Variants in GLIS1 observed in about 807,000 individuals in gnomAD.
GLIS1 encodes zinc finger protein GLIS1.
Under a neutral mutation model 63.8 loss-of-function variants are expected in GLIS1, and 24 were observed. The ratio of observed to expected loss-of-function variants is 0.38; its 90% CI spans 0.27 to 0.53. The LOEUF (loss-of-function observed/expected upper bound fraction) is 0.53. Ranked by LOEUF, GLIS1 falls within the 20% of genes least tolerant of loss-of-function variation. The pLI is 0.85. For missense variants in GLIS1, 1,036 were observed against 1,074.1 expected, an observed-to-expected ratio of 0.96 and a Z score of 0.50; for synonymous variants, 450 against 482.5, an observed-to-expected ratio of 0.93 and a Z score of 0.88.
Position 53,514,641 on chromosome 1 carries a change from C to T in GLIS1, c.1867G>A (p.Glu623Lys), listed in dbSNP as rs555262672. ...TGTACATACCCATCCCGGGTGCTCTCAGCCATGGGCAGAGGGGACAGATGG... is the reference window on the plus strand; with the variant it reads ...TGTACATACCCATCCCGGGTGCTCTTAGCCATGGGCAGAGGGGACAGATGG... ...HHHLSPLPMA[E>K]STRDGLGPGL... The change falls in exon 8 of 11, where the codon GAG becomes AAG. Residue 623 changes from glutamate (E) to lysine (K), a missense_variant. Transcript: ENST00000628545. The T allele has an allele frequency of 1.8e-5, 29 of 1,613,512 alleles. No homozygotes were observed. The African/African-American group carries it at 3.9e-4, about 22-fold the overall frequency.
At chr1:53,531,609 A>G (rs1569767803) in intron 4 of GLIS1, among the ~76,000 whole-genome samples, 2 of 152,330 alleles carry the variant, frequency 1.3e-5, no homozygotes, top group Admixed American at 1.3e-4. Context: ...GAGAGAACTC[A>G]GACATGGGTC....
At chr1:53,600,018 G>C (rs970327894) in intron 3 of GLIS1, 83 bp downstream of exon 3, 1 of 773,238 alleles carries the variant, frequency 1.3e-6, no homozygotes, top group African/African-American at 1.7e-5. Flanking sequence ...TGTCCCCCCA[G>C]CTAAAAAGAG....
At chr1:53,577,387 G>A (rs975013632) in intron 4 of GLIS1, among the ~76,000 whole-genome samples, 4 of 152,100 alleles carry the variant, frequency 2.6e-5, no homozygotes, top group Admixed American at 6.5e-5. Flanking sequence ...AGCAGACTCC[G>A]CACTGCCTCC....
intron 4 of GLIS1, among the ~76,000 whole-genome samples, chr1:53,550,423 C>T (rs1644746348): frequency 6.6e-6 from 1 of 152,226 alleles, no homozygotes; most frequent in Admixed American, 6.5e-5. Flanking sequence ...TTAGACATGA[C>T]AGTGCGTAGA....
chr1:53,710,778 A>T (rs1646638733), intron 2 of GLIS1, among the ~76,000 whole-genome samples: 1 of 152,200 alleles, frequency 6.6e-6, no homozygotes. Context: ...TGCCTCCCAC[A>T]GACCCCCAGC....
At chr1:53,515,077 A>ATGTG (rs1250658764) in intron 7 of GLIS1, among the ~76,000 whole-genome samples, 5 of 76,364 alleles carry the variant, frequency 6.5e-5, no homozygotes, top group African/African-American at 2.5e-4. Context: ...GTGTGTGTGT[A>ATGTG]TATGTGTGTG....
At chr1:53,664,010 T>A (rs1441752053) in intron 2 of GLIS1, among the ~76,000 whole-genome samples, 3 of 152,152 alleles carry the variant, frequency 2.0e-5, no homozygotes, top group Admixed American at 6.5e-5. Flanking sequence ...GCCCAAATGA[T>A]CTGGAAGGTG....
chr1:53,669,787 G>T (rs1345246344), intron 2 of GLIS1, among the ~76,000 whole-genome samples: 7 of 152,200 alleles, frequency 4.6e-5, no homozygotes, highest in African/African-American at 1.7e-4. Flanking sequence ...CCAACCCTTT[G>T]CTGTGTCCCC....
rs78788407 is a variant in GLIS1 at position 53,508,859 on chromosome 1, T to C, written c.2230+261A>G. ...ATTAAACCATGAGCTCCCAGTCCGATTCTTCAGAAACCTGCCAGCATTCAG... is the reference window on the plus strand; with the variant it reads ...ATTAAACCATGAGCTCCCAGTCCGACTCTTCAGAAACCTGCCAGCATTCAG... On this transcript the variant is annotated intron_variant, in intron 10 of 10. Coordinates refer to ENST00000628545, the MANE Select transcript of GLIS1 (RefSeq NM_001367484.1). Among the ~76,000 whole-genome samples, 756 of 152,320 alleles carry C rather than the reference T, an allele frequency of 5.0e-3. 8 individuals carry two copies. Among genetic ancestry groups the C allele is most frequent in the African/African-American group, 0.017 (724 of 41,560 alleles).
chr1:53,653,121 G>A (rs1467135263), intron 2 of GLIS1, among the ~76,000 whole-genome samples: 3 of 152,202 alleles, frequency 2.0e-5, no homozygotes, highest in South Asian at 2.1e-4. Context: ...GCTGGAGGTC[G>A]GACTGGGTAA....
At chr1:53,652,784 GC>G (rs1645923246) in intron 2 of GLIS1, among the ~76,000 whole-genome samples, 1 of 152,134 alleles carries the variant, frequency 6.6e-6, no homozygotes, top group African/African-American at 2.4e-5. Context: ...GGACCCTGGG[GC>G]CAGTCCTAGG....
At chr1:53,601,048 G>C (rs1483472758) in intron 2 of GLIS1, among the ~76,000 whole-genome samples, 1 of 84,600 alleles carries the variant, frequency 1.2e-5, no homozygotes, top group Non-Finnish European at 3.3e-5. Flanking sequence ...CTACGGATGA[G>C]GGATATACAC....
At chr1:53,637,462 C>T (rs1645738519) in intron 2 of GLIS1, among the ~76,000 whole-genome samples, 1 of 152,098 alleles carries the variant, frequency 6.6e-6, no homozygotes, top group Non-Finnish European at 1.5e-5. Context: ...GACCCAGCTC[C>T]CCTAAAACAC....
intron 2 of GLIS1, among the ~76,000 whole-genome samples, chr1:53,622,676 C>T (rs1172430129): frequency 2.0e-5 from 3 of 152,076 alleles, no homozygotes; most frequent in African/African-American, 2.4e-5. Context: ...GGCCAGGAGA[C>T]GGATGCTGGT....
Position 53,520,629 on chromosome 1 carries a change from C to A in GLIS1, c.1726+5G>T, listed in dbSNP as rs372043991. ...GCCCCTGGCCCTGCCTCCCCGCACA[C>A]GTACCTGGGAGCAGCTCCTGGCCCA... On this transcript the variant is annotated splice_donor_5th_base_variant and intron_variant, in intron 7 of 10. Coordinates refer to ENST00000628545, the MANE Select transcript of GLIS1 (RefSeq NM_001367484.1). The A allele has an allele frequency of 1.9e-6, 3 of 1,604,346 alleles. No homozygotes were observed. The highest frequency in any genetic ancestry group is 1.3e-5 in the African/African-American group (1 of 74,760).
chr1:53,672,310 C>T (rs945312120), intron 2 of GLIS1, among the ~76,000 whole-genome samples: 2 of 152,208 alleles, frequency 1.3e-5, no homozygotes, highest in Non-Finnish European at 2.9e-5. Context: ...AGTCAGTCCA[C>T]CTCCACAAGC....
Position 53,526,080 on chromosome 1 carries a change from G to A in GLIS1, c.1483-1193C>T, listed in dbSNP as rs75974414. 2.2e-3 allele frequency among the ~76,000 whole-genome samples: 329 copies of A among 152,286 alleles called. No individual in the cohort carries two copies. Among genetic ancestry groups the A allele is most frequent in the Non-Finnish European group, 3.3e-3 (226 of 68,030 alleles). On this transcript the variant is annotated intron_variant, in intron 5 of 10. Transcript: ENST00000628545. The surrounding 1 kb of genome is among the most constrained non-coding windows in gnomAD (Gnocchi z 4.4). ...TTACAAGGCTTCCCTTTGCGGACAC[G>A]TCTAGTGCTTCCGCTCTCTTAGAAG... is the stretch of plus-strand genomic sequence containing the variant.
At chr1:53,711,155 C>T (rs1207454977) in intron 2 of GLIS1, among the ~76,000 whole-genome samples, 1 of 152,148 alleles carries the variant, frequency 6.6e-6, no homozygotes, top group African/African-American at 2.4e-5. Flanking sequence ...ACAGAACCGA[C>T]CTTCGGACCC....
At chr1:53,697,513 G>A (rs1646478086) in intron 2 of GLIS1, among the ~76,000 whole-genome samples, 1 of 152,164 alleles carries the variant, frequency 6.6e-6, no homozygotes, top group East Asian at 1.9e-4. Context: ...TACCCAGGCT[G>A]TGAACATTCC....
Sources: gnomAD v4.1 joint callset for allele counts (sites outside exome capture counted in the v4.1 genomes callset) on GRCh38, gnomAD v4.1.1 for gene constraint, Gnocchi (gnomAD v3.1) non-coding constraint, MANE v1.5 for transcripts, NCBI Gene and HGNC (gene_info 2026-07-23, HGNC 2026-07-21) for gene names.